Variants in PLEKHG4B observed in about 807,000 individuals in gnomAD.
The protein encoded by PLEKHG4B is pleckstrin homology domain-containing family G member 4B.
Under a neutral mutation model 121.3 loss-of-function variants are expected in PLEKHG4B, and 111 were observed. The observed-to-expected ratio is 0.92, with a 90% CI of 0.78 to 1.07. The LOEUF (loss-of-function observed/expected upper bound fraction) is 1.07. Among genes scored for constraint, PLEKHG4B ranks in the 50% least tolerant of loss-of-function variants. The pLI is 0.00. For missense variants in PLEKHG4B, 1,831 were observed against 1,757.8 expected (o/e 1.04, Z -0.74); for synonymous variants, 738 against 725.0 (o/e 1.02, Z -0.29).
At chr5:174,179 A>T in intron 18 of PLEKHG4B, 81 bp downstream of exon 18, 1 of 687,308 alleles carries the variant, frequency 1.5e-6, no homozygotes, top group Non-Finnish European at 1.9e-6. Flanking sequence ...CTGGGGTGAG[A>T]GCCAGGGGCT....
chr5:99,000 C>CA (rs1282896892), intron 1 of PLEKHG4B, among the ~76,000 whole-genome samples: 4 of 144,550 alleles, frequency 2.8e-5, no homozygotes, highest in East Asian at 2.1e-4. Flanking sequence ...ACTAAAAATA[C>CA]AAAAAATTAG....
At chr5:154,027 C>CA (rs1331606183) in intron 7 of PLEKHG4B, among the ~76,000 whole-genome samples, 46 of 150,096 alleles carry the variant, frequency 3.1e-4, no homozygotes, top group African/African-American at 1.1e-3. Flanking sequence ...TTTTTTGAGA[C>CA]AGAGTCTCGT....
chr5:144,528 G>A (rs919712411), intron 5 of PLEKHG4B, among the ~76,000 whole-genome samples: 1 of 152,188 alleles, frequency 6.6e-6, no homozygotes, highest in African/African-American at 2.4e-5. Context: ...CCTTGATGGA[G>A]CACGGCCCAT....
In PLEKHG4B at chr5:143,261, G is replaced by T; in HGVS notation, c.1687+5G>T. ...CCGGGGTCGTCACCCTCCCAGGTGA[G>T]AGCACATGCCAGGCTCTCCTGTCAG... On this transcript the variant is annotated splice_donor_5th_base_variant and intron_variant, in intron 4 of 19. Transcript: ENST00000637938. 1 of 1,609,778 alleles carries T rather than the reference G, an allele frequency of 6.2e-7. No individual in the cohort carries two copies.
chr5:181,534 G>T lies in PLEKHG4B; in HGVS notation c.4423G>T (p.Ala1475Ser). ...CTTAGAACTCAGAATCCAAGAAATG[G>T]CATCCATGGGTATAGGCAACCAGCC... The part of the protein sequence containing the change: ...KSRELRIQEM[A>S]SMGIGNQPFM... The change falls in exon 19 of 20, where the codon GCA (alanine) becomes TCA (serine). Residue 1475 changes from alanine (A) to serine (S), a missense_variant. Transcript: ENST00000637938. 9 of 1,613,772 alleles carry T rather than the reference G, an allele frequency of 5.6e-6. No individual in the cohort carries two copies. The highest frequency in any genetic ancestry group is 7.6e-6 in the Non-Finnish European group (9 of 1,179,824).
At chr5:141,711 A>T (rs944626295) in intron 3 of PLEKHG4B, among the ~76,000 whole-genome samples, 210 of 127,548 alleles carry the variant, frequency 1.6e-3, no homozygotes, top group East Asian at 2.4e-3. Flanking sequence ...TAAATATTTC[A>T]TTTTTTTTTT....
intron 1 of PLEKHG4B, among the ~76,000 whole-genome samples, chr5:95,532 C>T (rs548243528): frequency 4.7e-4 from 71 of 152,320 alleles, no homozygotes; most frequent in African/African-American, 1.5e-3. Context: ...CTTCATTCCC[C>T]GGCTTCTGTA....
Position 125,787 on chromosome 5 carries a change from C to G in PLEKHG4B, c.243+12339C>G, listed in dbSNP as rs536368224. ...ACTCCGTTGTTTCTGCAGGGTGGGT[C>G]TAGTGGTAACAAATCCCCCCAGCTT... On this transcript the variant is annotated intron_variant, in intron 2 of 19. Transcript: ENST00000637938. Among the ~76,000 whole-genome samples, 4 of 152,262 alleles carry G rather than the reference C, an allele frequency of 2.6e-5. No individual in the cohort carries two copies. In the South Asian group the frequency reaches 8.3e-4, roughly 32 times the overall value.
intron 2 of PLEKHG4B, among the ~76,000 whole-genome samples, chr5:135,727 A>C (rs865878117): frequency 8.5e-6 from 1 of 117,430 alleles, no homozygotes; most frequent in African/African-American, 3.4e-5. Context: ...ATATATATAT[A>C]TGTATGTCAG....
At chr5:131,868 T>C (rs1734789155) in intron 2 of PLEKHG4B, among the ~76,000 whole-genome samples, 1 of 152,240 alleles carries the variant, frequency 6.6e-6, no homozygotes, top group African/African-American at 2.4e-5. Context: ...TGACCAGTGA[T>C]GATGAGCATA....
chr5:162,261 G>A (rs1560940779), intron 12 of PLEKHG4B, among the ~76,000 whole-genome samples: 1 of 70,524 alleles, frequency 1.4e-5, no homozygotes, highest in African/African-American at 6.2e-5. Context: ...CTGCTCGCCT[G>A]CGAGCTCCCA....
intron 6 of PLEKHG4B, 117 bp from the exon 7 acceptor site, chr5:151,396 C>T: frequency 1.7e-6 from 1 of 595,988 alleles, no homozygotes; most frequent in South Asian, 2.9e-5. Context: ...GTTTTATGCA[C>T]TGTAGGCACT....
intron 2 of PLEKHG4B, among the ~76,000 whole-genome samples, chr5:130,250 T>G (rs1734739876): frequency 6.6e-6 from 1 of 152,142 alleles, no homozygotes; most frequent in South Asian, 2.1e-4. Context: ...TTACATTGTC[T>G]TTGCTGAGGG....
intron 6 of PLEKHG4B, among the ~76,000 whole-genome samples, chr5:150,301 C>G (rs982760261): frequency 6.6e-6 from 1 of 152,130 alleles, no homozygotes; most frequent in African/African-American, 2.4e-5. Context: ...TCAGAGTAGC[C>G]CAGATCCCAG....
intron 6 of PLEKHG4B, among the ~76,000 whole-genome samples, chr5:148,217 T>C (rs1195636619): frequency 6.7e-6 from 1 of 149,176 alleles, no homozygotes; most frequent in Non-Finnish European, 1.5e-5. Context: ...AAGTTCTAGC[T>C]AGAGCAATTG....
chr5:101,642 T>A (rs1231758327), intron 1 of PLEKHG4B, among the ~76,000 whole-genome samples: 90 of 122,568 alleles, frequency 7.3e-4, no homozygotes, highest in African/African-American at 2.0e-3. Flanking sequence ...GTTGTGAGGT[T>A]AATCCATATA....
chr5:170,720 G>GC (rs1214847671), intron 14 of PLEKHG4B, among the ~76,000 whole-genome samples: 1 of 152,132 alleles, frequency 6.6e-6, no homozygotes, highest in Non-Finnish European at 1.5e-5. Context: ...TCATTCCAAT[G>GC]CCCCCCACGC....
intron 1 of PLEKHG4B, among the ~76,000 whole-genome samples, chr5:102,461 G>A (rs929430186): frequency 1.3e-5 from 2 of 152,168 alleles, no homozygotes; most frequent in African/African-American, 4.8e-5. Context: ...AAGATATTTT[G>A]GTGGGAAAGT....
chr5:92,314 C>T (rs1291051556), intron 1 of PLEKHG4B, 38 bp downstream of exon 1: 6 of 19,988 alleles, frequency 3.0e-4, no homozygotes, highest in Middle Eastern at 0.011. Flanking sequence ...GGTGGGGGCG[C>T]GAGCGGACGC....
Sources: gnomAD v4.1 joint callset for allele counts (sites outside exome capture counted in the v4.1 genomes callset) on GRCh38, gnomAD v4.1.1 for gene constraint, MANE v1.5 for transcripts, NCBI Gene and HGNC (gene_info 2026-07-23, HGNC 2026-07-21) for gene names.